The following CCDC158 variants were observed in gnomAD, a reference collection of about 807,000 sequenced individuals.
CCDC158 encodes coiled-coil domain containing 158.
Under a neutral mutation model 138.6 loss-of-function variants are expected in CCDC158, and 116 were observed. The ratio of observed to expected loss-of-function variants is 0.84; its 90% CI spans 0.72 to 0.98. The LOEUF (loss-of-function observed/expected upper bound fraction) is 0.98. Among genes scored for constraint, CCDC158 ranks in the 50% least tolerant of loss-of-function variants. The probability of loss-of-function intolerance (pLI) is 0.00; values close to 1 mark genes in which losing one functional copy is unlikely to be tolerated. For synonymous variants in CCDC158, 436 were observed against 442.4 expected, an observed-to-expected ratio of 0.99 and a Z score of 0.18; for missense variants, 1,265 against 1,306.1, an observed-to-expected ratio of 0.97 and a Z score of 0.48.
At chr4:76,396,623 G>A (rs949808327) in intron 3 of CCDC158, 137 bp from the exon 4 acceptor site, 26 of 608,622 alleles carry the variant, frequency 4.3e-5, no homozygotes, top group Non-Finnish European at 7.3e-5. Flanking sequence ...CAATTCTCCT[G>A]CCTCAGCCTC....
intron 7 of CCDC158, 149 bp from the exon 8 acceptor site, chr4:76,382,869 A>G (rs6820797): frequency 0.27 from 151,997 of 561,330 alleles, 26,503 homozygotes; most frequent in East Asian, 0.68. Flanking sequence ...AGTGTCTACA[A>G]CAAGTCCAAA....
chr4:76,417,865 C>T (rs2109934413), intron 1 of CCDC158, among the ~76,000 whole-genome samples: 1 of 152,232 alleles, frequency 6.6e-6, no homozygotes, highest in Non-Finnish European at 1.5e-5. Context: ...GAGAAGAGCT[C>T]AGTGTTCACT....
chr4:76,363,138 C>T (rs527527309), intron 12 of CCDC158, among the ~76,000 whole-genome samples: 131 of 152,266 alleles, frequency 8.6e-4, no homozygotes, highest in Non-Finnish European at 1.7e-3. Context: ...CCCTGCTTTC[C>T]TTCTGGGAAC....
chr4:76,411,192 A>G (rs1423442458), intron 2 of CCDC158, among the ~76,000 whole-genome samples: 1 of 152,204 alleles, frequency 6.6e-6, no homozygotes, highest in Non-Finnish European at 1.5e-5. Context: ...ACTTGAGCCC[A>G]GGATTTAGAG....
chr4:76,379,529 T>C (rs1726030312), intron 8 of CCDC158, 125 bp from the exon 9 acceptor site: 7 of 468,686 alleles, frequency 1.5e-5, no homozygotes, highest in Non-Finnish European at 2.6e-5. Flanking sequence ...GCCAATAGTC[T>C]TTTATTTTCC....
intron 3 of CCDC158, among the ~76,000 whole-genome samples, chr4:76,399,140 T>C (rs1484088646): frequency 1.3e-5 from 2 of 152,180 alleles, no homozygotes; most frequent in African/African-American, 4.8e-5. Flanking sequence ...CAAAATAAGA[T>C]ACATATTATA....
Position 76,331,383 on chromosome 4 carries a change from T to C in CCDC158, c.2903A>G (p.Asp968Gly), listed in dbSNP as rs778561830. ...ACTTGATTTGCTTCCTTCAGTGGAG[T>C]CCCTCAACGAGTTGTTGCTTCTGTT... ...MCHRSNNSLR[D>G]STEGSKSSET... The change falls in exon 21 of 25, where the codon GAC becomes GGC. Residue 968 changes from aspartate to glycine, a missense_variant. Transcript: ENST00000682701. 11 of 1,613,780 alleles carry C rather than the reference T, an allele frequency of 6.8e-6. No homozygotes were observed. In the Admixed American group the frequency reaches 8.3e-5, roughly 12 times the overall value.
chr4:76,391,721 A>T (rs28795388), intron 4 of CCDC158, among the ~76,000 whole-genome samples: 4,474 of 152,034 alleles, frequency 0.029, 218 homozygotes, highest in African/African-American at 0.1. Flanking sequence ...AAGATCAATG[A>T]AACAGAATGT....
intron 4 of CCDC158, among the ~76,000 whole-genome samples, chr4:76,385,989 A>G (rs892042606): frequency 4.6e-5 from 7 of 152,240 alleles, no homozygotes; most frequent in Non-Finnish European, 5.9e-5. Context: ...AATTACTTTC[A>G]ACTTTACCGA....
intron 22 of CCDC158, among the ~76,000 whole-genome samples, chr4:76,328,230 T>G (rs1720698158): frequency 1.3e-5 from 2 of 152,202 alleles, no homozygotes; most frequent in Admixed American, 1.3e-4. Context: ...ATTCTTCTGC[T>G]TTTCCTTTTG....
intron 13 of CCDC158, among the ~76,000 whole-genome samples, chr4:76,357,843 G>C (rs1182487563): frequency 6.6e-6 from 1 of 151,990 alleles, no homozygotes; most frequent in Non-Finnish European, 1.5e-5. Flanking sequence ...CACTAGAGTA[G>C]ATTTAACCAC....
At chr4:76,407,738 A>G (rs1006597532) in intron 2 of CCDC158, among the ~76,000 whole-genome samples, 1 of 152,176 alleles carries the variant, frequency 6.6e-6, no homozygotes, top group African/African-American at 2.4e-5. Flanking sequence ...GTAATTCACT[A>G]TCAAAGACTT....
intron 19 of CCDC158, among the ~76,000 whole-genome samples, chr4:76,333,643 C>G (rs935634339): frequency 2.6e-5 from 4 of 152,140 alleles, no homozygotes; most frequent in African/African-American, 4.8e-5. Flanking sequence ...TGGCTGCAGA[C>G]ACGTCGACCT....
chr4:76,409,114 T>C (rs1489270905), intron 2 of CCDC158, among the ~76,000 whole-genome samples: 1 of 152,230 alleles, frequency 6.6e-6, no homozygotes, highest in Non-Finnish European at 1.5e-5. Context: ...TTATTTTGTG[T>C]GTGTATTTTA....
Position 76,371,501 on chromosome 4 carries a change from G to A in CCDC158, c.1065C>T (p.Asn355=). 1.2e-6 allele frequency: 2 copies of A among 1,614,114 alleles called. No homozygotes were observed. Among genetic ancestry groups the A allele is most frequent in the Non-Finnish European group, 1.7e-6 (2 of 1,179,962 alleles). Reference sequence around the variant, plus strand: ...CTGTCCGGGCTTCAGTTAGCTCTGAGTTGGCAAGGACTAACTGCTTTTCCA... The same window carrying A: ...CTGTCCGGGCTTCAGTTAGCTCTGAATTGGCAAGGACTAACTGCTTTTCCA... The part of the protein sequence containing the change: ...EELEKQLVLA[N]SELTEARTER... The change falls in exon 10 of 25, where the codon AAC becomes AAT. Residue 355 remains asparagine (N), a synonymous_variant. Coordinates refer to ENST00000682701, the MANE Select transcript of CCDC158 (RefSeq NM_001394954.1).
At chr4:76,319,605 G>C (rs1451497472) in intron 24 of CCDC158, among the ~76,000 whole-genome samples, 1 of 148,792 alleles carries the variant, frequency 6.7e-6, no homozygotes, top group Non-Finnish European at 1.5e-5. Flanking sequence ...GATCAAGTGG[G>C]TTTCATACCA....
intron 18 of CCDC158, chr4:76,345,720 T>C: frequency 1.7e-6 from 1 of 573,670 alleles, no homozygotes; most frequent in Non-Finnish European, 3.1e-6. Flanking sequence ...ATATTTTGAT[T>C]TCTACAAATC....
chr4:76,335,760 A>G (rs963048514), intron 18 of CCDC158, among the ~76,000 whole-genome samples: 1 of 152,032 alleles, frequency 6.6e-6, no homozygotes, highest in Non-Finnish European at 1.5e-5. Context: ...TTTTTGTAGA[A>G]TGGAGTTTTG....
intron 18 of CCDC158, among the ~76,000 whole-genome samples, chr4:76,339,649 G>T (rs1470707884): frequency 1.3e-5 from 2 of 152,200 alleles, no homozygotes; most frequent in African/African-American, 4.8e-5. Flanking sequence ...CAGGGAAACT[G>T]GTCATTTTGT....
Sources: allele counts gnomAD v4.1 joint callset (sites outside exome capture counted in the v4.1 genomes callset), GRCh38; gene constraint gnomAD v4.1.1; transcripts MANE v1.5; gene names NCBI Gene and HGNC (gene_info 2026-07-23, HGNC 2026-07-21).